Variants in PARD3B observed in about 807,000 individuals in gnomAD.
The protein encoded by PARD3B is partitioning defective 3 homolog B.
Under a neutral mutation model 130.2 loss-of-function variants are expected in PARD3B, and 103 were observed. The ratio of observed to expected loss-of-function variants is 0.79; its 90% CI spans 0.67 to 0.93. PARD3B has a LOEUF of 0.93. PARD3B is among the 40% of genes least tolerant of loss of function. The pLI, the probability that PARD3B is intolerant of heterozygous loss-of-function variation, is 0.00. For missense variants in PARD3B, 1,609 were observed against 1,499.2 expected (o/e 1.07, Z -1.21); for synonymous variants, 583 against 553.2 (o/e 1.05, Z -0.76).
At chr2:205,000,842 G>C (rs1694772330) in intron 3 of PARD3B, among the ~76,000 whole-genome samples, 1 of 152,130 alleles carries the variant, frequency 6.6e-6, no homozygotes, top group Admixed American at 6.5e-5. Flanking sequence ...ACTGTCACTA[G>C]AAGTTTTATC....
At chr2:204,849,356 T>C (rs1000998743) in intron 2 of PARD3B, among the ~76,000 whole-genome samples, 1 of 152,210 alleles carries the variant, frequency 6.6e-6, no homozygotes, top group Non-Finnish European at 1.5e-5. Context: ...TAAATATGTT[T>C]GTAATTAAGA....
intron 1 of PARD3B, among the ~76,000 whole-genome samples, chr2:204,577,037 G>A (rs528260573): frequency 6.6e-6 from 1 of 152,030 alleles, no homozygotes; most frequent in African/African-American, 2.4e-5. Context: ...TTTTTCTTGG[G>A]GGGGGATGGG....
At chr2:205,186,008 G>A in intron 14 of PARD3B, 145 bp downstream of exon 14, 2 of 676,632 alleles carry the variant, frequency 3.0e-6, no homozygotes, top group Non-Finnish European at 5.0e-6. Flanking sequence ...TCCAGCGAAA[G>A]CTTCAGTGAA....
At chr2:205,065,227 A>T (rs1381298748) in intron 4 of PARD3B, among the ~76,000 whole-genome samples, 2 of 152,210 alleles carry the variant, frequency 1.3e-5, no homozygotes, top group Non-Finnish European at 2.9e-5. Flanking sequence ...GATGCCACAG[A>T]TAGAGTGAGA....
chr2:204,758,267 A>C (rs1412117934), intron 2 of PARD3B, among the ~76,000 whole-genome samples: 2 of 152,136 alleles, frequency 1.3e-5, no homozygotes, highest in Non-Finnish European at 2.9e-5. Context: ...CACTTGGCTA[A>C]AACAAGTCAT....
intron 2 of PARD3B, among the ~76,000 whole-genome samples, chr2:204,757,529 A>G (rs1024736952): frequency 6.6e-6 from 1 of 151,486 alleles, no homozygotes; most frequent in African/African-American, 2.4e-5. Flanking sequence ...TTTTTTTCAT[A>G]TGTTTGTTGG....
intron 4 of PARD3B, among the ~76,000 whole-genome samples, chr2:205,094,611 G>T (rs1253036932): frequency 6.6e-6 from 1 of 151,898 alleles, no homozygotes; most frequent in Non-Finnish European, 1.5e-5. Flanking sequence ...CTATGGAATT[G>T]GTCTGTGGAT....
intron 18 of PARD3B, among the ~76,000 whole-genome samples, chr2:205,331,006 C>G (rs1417835682): frequency 6.6e-6 from 1 of 152,050 alleles, no homozygotes; most frequent in East Asian, 1.9e-4. Flanking sequence ...AAAGAAAAAG[C>G]AGAAAGAACA....
intron 18 of PARD3B, among the ~76,000 whole-genome samples, chr2:205,379,420 C>A (rs2045218575): frequency 6.6e-6 from 1 of 151,740 alleles, no homozygotes; most frequent in Non-Finnish European, 1.5e-5. Context: ...GGGACGAATC[C>A]AGAATGTACC....
intron 2 of PARD3B, among the ~76,000 whole-genome samples, chr2:204,737,027 A>G (rs2039787538): frequency 1.3e-5 from 2 of 151,942 alleles, no homozygotes; most frequent in African/African-American, 4.8e-5. Flanking sequence ...AGCTCACTGG[A>G]CCTCTGCCTC....
chr2:204,556,987 T>C (rs1232791394), intron 1 of PARD3B, among the ~76,000 whole-genome samples: 1 of 151,562 alleles, frequency 6.6e-6, no homozygotes, highest in Non-Finnish European at 1.5e-5. Context: ...TAAAACTCTC[T>C]ACTCATGGGC....
chr2:205,092,459 T>G (rs1702164325), intron 4 of PARD3B, among the ~76,000 whole-genome samples: 2 of 152,116 alleles, frequency 1.3e-5, no homozygotes, highest in African/African-American at 4.8e-5. Context: ...GTTCTTGAGC[T>G]TATGAAAGAG....
rs936026832 is a variant in PARD3B, at chr2:205,617,010, G to C, written c.*1197G>C. The C allele has an allele frequency of 6.5e-6, 1 of 154,312 alleles. No individual in the cohort carries two copies. The highest frequency in any genetic ancestry group is 2.4e-5 in the African/African-American group (1 of 41,488). The allele number at this position is 154,312 out of a possible 1,614,324, so 9.6% of individuals were successfully genotyped here. A position where few individuals can be genotyped will look rare whatever the true frequency, so the allele number is the denominator to read the frequency against. ...TTCTGGAGAGTTTGATGCAAAAGTG[G>C]GGGAAACGGAGAAAAGGCGCTAAGG... On this transcript the variant is annotated 3_prime_UTR_variant, in exon 23 of 23. Coordinates refer to ENST00000406610, the MANE Select transcript of PARD3B (RefSeq NM_001302769.2).
intron 2 of PARD3B, among the ~76,000 whole-genome samples, chr2:204,896,929 A>T (rs2046660485): frequency 6.6e-6 from 1 of 152,206 alleles, no homozygotes; most frequent in African/African-American, 2.4e-5. Context: ...ACACATAAAA[A>T]TGATTATATT....
chr2:204,975,912 A>G (rs534137043), intron 3 of PARD3B, among the ~76,000 whole-genome samples: 2 of 152,284 alleles, frequency 1.3e-5, no homozygotes, highest in East Asian at 3.9e-4. Context: ...CTCTTTTCAG[A>G]CAATTCATTA....
At chr2:204,905,343 G>C (rs1358368842) in intron 2 of PARD3B, among the ~76,000 whole-genome samples, 1 of 152,156 alleles carries the variant, frequency 6.6e-6, no homozygotes, top group Non-Finnish European at 1.5e-5. Context: ...GAGAGGAGAG[G>C]AGAACCAGAG....
intron 4 of PARD3B, among the ~76,000 whole-genome samples, chr2:205,052,292 A>G (rs998028621): frequency 6.6e-6 from 1 of 151,654 alleles, no homozygotes; most frequent in Admixed American, 6.6e-5. Flanking sequence ...GGATTCCTGA[A>G]AATTATAATA....
chr2:204,872,819 A>G (rs2045681095), intron 2 of PARD3B, among the ~76,000 whole-genome samples: 1 of 152,154 alleles, frequency 6.6e-6, no homozygotes, highest in Non-Finnish European at 1.5e-5. Context: ...TTGCTTTTTA[A>G]GTTACTTGTA....
At position 204,716,887 on chromosome 2, in the gene PARD3B, G is replaced by A. The variant is rs1440753974; in HGVS notation, c.222+30605G>A. Among the ~76,000 whole-genome samples, 8 of 152,238 alleles carry A rather than the reference G, an allele frequency of 5.3e-5. No individual in the cohort carries two copies. In the South Asian group the frequency reaches 1.0e-3, roughly 20 times the overall value. On this transcript the variant is annotated intron_variant, in intron 2 of 22. Coordinates refer to ENST00000406610, the MANE Select transcript of PARD3B (RefSeq NM_001302769.2). ...TCTGCCTGCGTCGGCCTCCCAAATT[G>A]GTGGGATTACAGGCGTGAGCCACCG...
Sources: gnomAD v4.1 joint callset for allele counts (sites outside exome capture counted in the v4.1 genomes callset) on GRCh38, gnomAD v4.1.1 for gene constraint, MANE v1.5 for transcripts, NCBI Gene and HGNC (gene_info 2026-07-23, HGNC 2026-07-21) for gene names.